ATG16L2: variants seen among roughly 807,000 people sequenced by gnomAD.
ATG16L2 encodes protein Atg16l2.
In ATG16L2, 77 loss-of-function variants were observed where a neutral mutation model predicts 84.7. The observed-to-expected ratio is 0.91, with a 90% CI of 0.76 to 1.10. The LOEUF (loss-of-function observed/expected upper bound fraction) is 1.10. ATG16L2 is among the 50% of genes least tolerant of loss of function. ATG16L2 has a pLI of 0.00. For missense variants in ATG16L2, 782 were observed against 817.6 expected, an observed-to-expected ratio of 0.96 and a Z score of 0.53; for synonymous variants, 361 against 342.8, an observed-to-expected ratio of 1.05 and a Z score of -0.59.
chr11:72,833,044 G>A (rs1403433910), downstream of ATG16L2, among the ~76,000 whole-genome samples: 1 of 152,206 alleles, frequency 6.6e-6, no homozygotes. Flanking sequence ...GAGACCCCAG[G>A]GAGGGAGAAA....
chr11:72,823,950 C>A, intron 7 of ATG16L2, 110 bp from the exon 8 acceptor site: 2 of 1,223,290 alleles, frequency 1.6e-6, no homozygotes, highest in Non-Finnish European at 1.2e-6. Flanking sequence ...TTATCCCAGA[C>A]TTGAGAGGTT....
intron 2 of ATG16L2, among the ~76,000 whole-genome samples, 166 bp from the exon 3 acceptor site, chr11:72,817,590 C>T (rs1375464615): frequency 2.0e-5 from 3 of 152,222 alleles, no homozygotes; most frequent in Non-Finnish European, 4.4e-5. Context: ...TCATGGACAG[C>T]TCATTTCTAG....
intron 14 of ATG16L2, among the ~76,000 whole-genome samples, chr11:72,828,003 C>T (rs1860464957): frequency 6.6e-6 from 1 of 152,254 alleles, no homozygotes; most frequent in Non-Finnish European, 1.5e-5. Flanking sequence ...CTAGGCCTGC[C>T]TCAAGCCTTT....
chr11:72,840,995 AGTT>A, intron 5 of ATG16L2: 1 of 1,513,374 alleles, frequency 6.6e-7, no homozygotes, highest in Non-Finnish European at 9.2e-7. Context: ...ATTTTACTTG[AGTT>A]GTTGAGCAAT....
chr11:72,817,730 T>G (rs1207550465), intron 2 of ATG16L2, 26 bp from the exon 3 acceptor site: 9 of 1,611,958 alleles, frequency 5.6e-6, no homozygotes, highest in Non-Finnish European at 6.8e-6. Context: ...CGGGGGACAT[T>G]GAGCACCACT....
rs777604074 is a variant in ATG16L2 at position 72,841,435 on chromosome 11, T to G, written c.*22-1182T>G. On this transcript the variant is annotated intron_variant, in intron 5 of 5. Coordinates refer to the ATG16L2 transcript ENST00000534905. ...TGAAGTGAAAATGCATTTAGACCCA[T>G]GCCCAGGAGAACCCTTACCGTTTGC... 8 of 1,602,384 alleles carry G rather than the reference T, an allele frequency of 5.0e-6. No homozygotes were observed. The South Asian group carries it at 6.7e-5, about 13-fold the overall frequency.
Position 72,843,514 on chromosome 11 carries a change from A to T in ATG16L2, c.*919A>T, listed in dbSNP as rs143408886. The T allele has an allele frequency of 6.2e-6, 10 of 1,613,584 alleles. No homozygotes were observed. Among genetic ancestry groups the T allele is most frequent in the Non-Finnish European group, 8.5e-6 (10 of 1,179,624 alleles). On this transcript the variant is annotated 3_prime_UTR_variant, in exon 6 of 6. Coordinates refer to the ATG16L2 transcript ENST00000534905. ...AACACCTCATGTTCCTCAATGGTCA[A>T]CTCATCTGGTTGAGAAGCCTGCAGT... is the stretch of plus-strand genomic sequence containing the variant.
chr11:72,826,945 A>G, intron 13 of ATG16L2, 122 bp downstream of exon 13: 1 of 1,205,838 alleles, frequency 8.3e-7, no homozygotes, highest in Non-Finnish European at 1.2e-6. Flanking sequence ...TGGGGGTGAA[A>G]CCTCTCAAGG....
At position 72,814,675 on chromosome 11, in the gene ATG16L2, G is replaced by A. The variant is rs905748365; in HGVS notation, c.118+112G>A. The A allele has an allele frequency of 3.7e-6, 3 of 805,578 alleles. No homozygotes were observed. The African/African-American group carries it at 5.4e-5, about 14-fold the overall frequency. 49.9% of individuals were successfully genotyped at this position (805,578 alleles called of 1,614,324 possible). A position where few individuals can be genotyped will look rare whatever the true frequency, so the allele number is the denominator to read the frequency against. On this transcript the variant is annotated intron_variant, in intron 1 of 17. Transcript: ENST00000321297. ...GTGACCCGAGTGCGCTGTGCCTTAT[G>A]CCTTGAGCCTGTGCGTTACGCCCAT...
chr11:72,826,407 C>T (rs886569928), intron 11 of ATG16L2, 111 bp from the exon 12 acceptor site: 1 of 1,488,674 alleles, frequency 6.7e-7, no homozygotes, highest in East Asian at 2.4e-5. Context: ...CTTTGCCTGC[C>T]TTGGTGACCT....
chr11:72,838,803 G>C, intron 5 of ATG16L2: 6 of 1,603,680 alleles, frequency 3.7e-6, no homozygotes, highest in Non-Finnish European at 5.1e-6. Context: ...ACACCAGTGT[G>C]ATTTCCACAT....
chr11:72,826,180 G>A lies in ATG16L2; in HGVS notation c.1110G>A (p.Leu370=), dbSNP rs1319510913. 1.9e-6 allele frequency: 3 copies of A among 1,613,258 alleles called. No individual in the cohort carries two copies. In the East Asian group the frequency reaches 6.7e-5, roughly 36 times the overall value. Residue 370 remains leucine (L), a synonymous_variant, in exon 11 of 18, where the codon CTG becomes CTA. Coordinates refer to ENST00000321297, the MANE Select transcript of ATG16L2 (RefSeq NM_033388.2). ...TTCCCCTGGTCCTCCCAGGTCGCCT[G>A]GAGGCCAACCAGACCCTGGAGGGAG... is the stretch of plus-strand genomic sequence containing the variant. ...IHLWNVVGSR[L]EANQTLEGAG...
chr11:72,841,340 C>CAAAAAAA (rs59748827), intron 5 of ATG16L2: 94 of 373,806 alleles, frequency 2.5e-4, no homozygotes, highest in East Asian at 7.6e-4. Flanking sequence ...ACTCTGTCTC[C>CAAAAAAA]AAAAAAAAAA....
chr11:72,835,675 A>G (rs1210269631), intron 5 of ATG16L2, among the ~76,000 whole-genome samples: 1 of 152,182 alleles, frequency 6.6e-6, no homozygotes, highest in Admixed American at 6.5e-5. Context: ...AAATCTAACA[A>G]AATTAAATAC....
At position 72,822,991 on chromosome 11, in the gene ATG16L2, C is replaced by G; in HGVS notation, c.824+30C>G. On this transcript the variant is annotated intron_variant, in intron 7 of 17. Transcript: ENST00000321297. This position sits in a 1 kb window ranked among gnomAD's most constrained non-coding sequence, Gnocchi z 4.2. ...GGACCCAGGTGACAGTCTCAGAGCTCTGAGCTGAGCCCCACCCCAGAGGCT... is the reference window on the plus strand; with the variant it reads ...GGACCCAGGTGACAGTCTCAGAGCTGTGAGCTGAGCCCCACCCCAGAGGCT... 6.7e-7 allele frequency: 1 copy of G among 1,485,710 alleles called. No individual in the cohort carries two copies. Among genetic ancestry groups the G allele is most frequent in the Non-Finnish European group, 9.1e-7 (1 of 1,093,866 alleles). 92.0% of individuals were successfully genotyped at this position (1,485,710 alleles called of 1,614,324 possible). A position where few individuals can be genotyped will look rare whatever the true frequency, so the allele number is the denominator to read the frequency against.
At chr11:72,834,905 T>C (rs1422723972) in intron 5 of ATG16L2, among the ~76,000 whole-genome samples, 5 of 151,754 alleles carry the variant, frequency 3.3e-5, no homozygotes, top group East Asian at 1.9e-4. Flanking sequence ...TCCTTTACAA[T>C]TGAGGATGTG....
rs1591312108 is a variant in ATG16L2 at position 72,826,826 on chromosome 11, G to A, written c.1366+3G>A. On this transcript the variant is annotated splice_donor_region_variant and intron_variant, in intron 13 of 17. Transcript: ENST00000321297. ...GTGGGACCTCGGCCGTGCCTATTGT[G>A]AGCCCGAGCCCCAGCCCCACCTCTC... 4 of 1,612,676 alleles carry A rather than the reference G, an allele frequency of 2.5e-6. No homozygotes were observed. The East Asian group carries it at 6.7e-5, about 27-fold the overall frequency.
chr11:72,837,250 C>A (rs1193377676), intron 5 of ATG16L2: 2 of 152,106 alleles, frequency 1.3e-5, no homozygotes, highest in Non-Finnish European at 2.9e-5. Context: ...CGAAAAAAAA[C>A]CCCAAATCAT....
At chr11:72,838,867 GC>G in intron 5 of ATG16L2, 1 of 1,601,000 alleles carries the variant, frequency 6.2e-7, no homozygotes, top group Non-Finnish European at 8.5e-7. Flanking sequence ...AGGGGGAGCT[GC>G]CCGGACCTGA....
Sources: allele counts gnomAD v4.1 joint callset (sites outside exome capture counted in the v4.1 genomes callset), GRCh38; gene constraint gnomAD v4.1.1; non-coding constraint Gnocchi (gnomAD v3.1); transcripts MANE v1.5; gene names NCBI Gene and HGNC (gene_info 2026-07-23, HGNC 2026-07-21).